SV2C: variants seen among roughly 807,000 people sequenced by gnomAD.
SV2C encodes solute carrier family 22 member B3.
Under a neutral mutation model 79.7 loss-of-function variants are expected in SV2C, and 49 were observed. That is an observed-to-expected ratio of 0.61 (90% CI 0.49 to 0.78). The LOEUF (loss-of-function observed/expected upper bound fraction) is 0.78, where lower values mean the gene tolerates loss of function less well. Among genes scored for constraint, SV2C ranks in the 30% least tolerant of loss-of-function variants. The pLI is 0.00. For synonymous variants in SV2C, 334 were observed against 333.2 expected (o/e 1.00, Z -0.03); for missense variants, 833 against 912.9 (o/e 0.91, Z 1.13).
intron 1 of SV2C, among the ~76,000 whole-genome samples, chr5:76,085,136 G>T (rs534079600): frequency 1.3e-5 from 2 of 152,266 alleles, no homozygotes; most frequent in East Asian, 3.9e-4. Context: ...TCTCTCAGGC[G>T]TTCACTCATT....
At chr5:76,138,873 C>T (rs1749156309) in intron 2 of SV2C, among the ~76,000 whole-genome samples, 1 of 152,216 alleles carries the variant, frequency 6.6e-6, no homozygotes, top group Non-Finnish European at 1.5e-5. Context: ...AATCCCAGCA[C>T]TTTGGGAGGC....
chr5:76,071,531 G>C, the SV2C span, among the ~76,000 whole-genome samples: 1 of 152,090 alleles, frequency 6.6e-6, no homozygotes. Context: ...TAAGTGTAGA[G>C]AAAGGGAAAA....
the SV2C span, among the ~76,000 whole-genome samples, chr5:75,933,783 A>G: frequency 6.6e-6 from 1 of 152,146 alleles, no homozygotes. Context: ...TTTTCTGTCT[A>G]TCATCTGTCC....
At chr5:75,939,819 C>G in the SV2C span, among the ~76,000 whole-genome samples, 1 of 152,164 alleles carries the variant, frequency 6.6e-6, no homozygotes, top group Non-Finnish European at 1.5e-5. Flanking sequence ...ATTACAGTCC[C>G]TGTGCCTTCA....
At chr5:76,256,741 C>T (rs1746277102) in intron 4 of SV2C, among the ~76,000 whole-genome samples, 1 of 152,234 alleles carries the variant, frequency 6.6e-6, no homozygotes, top group South Asian at 2.1e-4. Flanking sequence ...GCTACCAAAT[C>T]ATCTTTTAAT....
chr5:76,168,398 C>A (rs963646679), intron 2 of SV2C, among the ~76,000 whole-genome samples: 2 of 151,934 alleles, frequency 1.3e-5, no homozygotes, highest in Admixed American at 1.3e-4. Context: ...TCACCCTGGA[C>A]CCCTCCTTAC....
the SV2C span, among the ~76,000 whole-genome samples, chr5:76,038,132 G>A: frequency 3.3e-5 from 5 of 152,164 alleles, no homozygotes; most frequent in Admixed American, 6.5e-5. Context: ...ACTGACCTGC[G>A]CCCACTGTCT....
the SV2C span, among the ~76,000 whole-genome samples, chr5:76,043,368 T>C: frequency 6.6e-6 from 1 of 152,180 alleles, no homozygotes; most frequent in Non-Finnish European, 1.5e-5. Context: ...TACTGCTCTG[T>C]CTTTCTCACT....
chr5:75,900,559 G>A, the SV2C span, among the ~76,000 whole-genome samples: 15 of 152,084 alleles, frequency 9.9e-5, no homozygotes, highest in South Asian at 1.2e-3. Flanking sequence ...TGCTCTTCTC[G>A]AGGAGTATCT....
rs187495349 is a variant in SV2C at position 76,236,233 on chromosome 5, T to A, written c.913+26346T>A. ...TCAGAATACATTTTACCTTTTATAG[T>A]CAATATTGAAAATCAAAGTAACATG... On this transcript the variant is annotated intron_variant, in intron 4 of 12. Transcript: ENST00000502798. Among the ~76,000 whole-genome samples, 260 of 152,254 alleles carry A rather than the reference T, an allele frequency of 1.7e-3. 4 individuals are homozygous for A. The highest frequency in any genetic ancestry group is 0.016 in the Admixed American group (237 of 15,284).
intron 4 of SV2C, among the ~76,000 whole-genome samples, chr5:76,212,510 A>G (rs868078255): frequency 1.4e-5 from 2 of 146,308 alleles, no homozygotes; most frequent in South Asian, 2.2e-4. Flanking sequence ...CCTTCAGGCC[A>G]GCCTTGTTCT....
the SV2C span, among the ~76,000 whole-genome samples, chr5:75,904,845 G>T: frequency 6.6e-6 from 1 of 152,200 alleles, no homozygotes; most frequent in African/African-American, 2.4e-5. Flanking sequence ...CCTAAGGACA[G>T]TATATCTTAG....
intron 1 of SV2C, among the ~76,000 whole-genome samples, chr5:76,130,145 TAAAAAAAAAAAAAAAAAAAAA>T (rs375351450): frequency 8.8e-5 from 6 of 67,830 alleles, no homozygotes; most frequent in East Asian, 1.1e-3. Flanking sequence ...TCTCAGTTCT[TAAAAAAAAAAAAAAAAAAAAA>T]AAAAAAAAAA....
At chr5:76,036,076 T>A in the SV2C span, among the ~76,000 whole-genome samples, 3 of 152,070 alleles carry the variant, frequency 2.0e-5, no homozygotes, top group Admixed American at 2.0e-4. Context: ...CCCCTGCCTT[T>A]TTTTGTTTTC....
chr5:76,145,679 A>T (rs1045291771), intron 2 of SV2C, among the ~76,000 whole-genome samples: 14 of 152,162 alleles, frequency 9.2e-5, no homozygotes, highest in Non-Finnish European at 2.9e-5. Flanking sequence ...CCCAGTTTTA[A>T]GCTCCCAAGC....
At chr5:76,256,226 G>A (rs1362261596) in intron 4 of SV2C, among the ~76,000 whole-genome samples, 1 of 152,112 alleles carries the variant, frequency 6.6e-6, no homozygotes, top group African/African-American at 2.4e-5. Context: ...ACCTTTCCAG[G>A]CTGAATTTAA....
chr5:76,323,429 CT>C (rs1285392927), intron 12 of SV2C, among the ~76,000 whole-genome samples: 1 of 152,240 alleles, frequency 6.6e-6, no homozygotes, highest in Non-Finnish European at 1.5e-5. Context: ...CACTTTTACA[CT>C]GTTGGTGTGA....
chr5:76,325,306 A>G, intron 12 of SV2C, 58 bp from the exon 13 acceptor site: 1 of 1,565,626 alleles, frequency 6.4e-7, no homozygotes, highest in Non-Finnish European at 8.7e-7. Context: ...TTTTGGTCTA[A>G]AGTTGGAATC....
chr5:75,863,720 A>G, the SV2C span, among the ~76,000 whole-genome samples: 1 of 152,184 alleles, frequency 6.6e-6, no homozygotes, highest in East Asian at 1.9e-4. Context: ...TGCCTGAGAT[A>G]TTTTTAAAGA....
Sources: gnomAD v4.1 joint callset for allele counts (sites outside exome capture counted in the v4.1 genomes callset) on GRCh38, gnomAD v4.1.1 for gene constraint, MANE v1.5 for transcripts, NCBI Gene and HGNC (gene_info 2026-07-23, HGNC 2026-07-21) for gene names.